IGSF10: variants seen among roughly 807,000 people sequenced by gnomAD.
IGSF10 encodes calvaria mechanical force protein 608.
A neutral mutation model predicts 128.2 loss-of-function variants in IGSF10; 126 were observed. The ratio of observed to expected loss-of-function variants is 0.98; its 90% confidence interval spans 0.85 to 1.14. IGSF10 has a LOEUF of 1.14. Among genes scored for constraint, IGSF10 ranks in the 50% most tolerant of loss-of-function variants. The pLI is 0.00. For synonymous variants in IGSF10, 1,185 were observed against 1,146.2 expected (o/e 1.03, Z -0.68); for missense variants, 3,295 against 3,149.8 (o/e 1.05, Z -1.10).
the IGSF10 span, among the ~76,000 whole-genome samples, chr3:151,574,680 G>T: frequency 1.1e-4 from 17 of 152,130 alleles, no homozygotes; most frequent in Non-Finnish European, 5.9e-5. Flanking sequence ...CTTTAGCTCA[G>T]AGAAGTTTGT....
the IGSF10 span, among the ~76,000 whole-genome samples, chr3:151,560,039 T>C: frequency 5.9e-5 from 9 of 152,198 alleles, no homozygotes; most frequent in East Asian, 1.7e-3. Flanking sequence ...GATGCAAGTT[T>C]TGCAGGGAAA....
chr3:151,523,052 CAA>C, the IGSF10 span, among the ~76,000 whole-genome samples: 1 of 152,050 alleles, frequency 6.6e-6, no homozygotes, highest in African/African-American at 2.4e-5. Flanking sequence ...ATCAGAAAGG[CAA>C]TCCCATTCAC....
In IGSF10 at chr3:151,448,028, T is replaced by C; in HGVS notation, c.1953A>G (p.Ser651=). 6.2e-7 allele frequency: 1 copy of C among 1,614,196 alleles called. No individual in the cohort carries two copies. ...GYYRCVAANP[S]GVDFLIFQVS... ...CTTGGAAAATCAAAAAATCAACCCCTGATGGGTTGGCTGCCACACAGCGAT... is the reference window on the plus strand; with the variant it reads ...CTTGGAAAATCAAAAAATCAACCCCCGATGGGTTGGCTGCCACACAGCGAT... Residue 651 remains serine (S), a synonymous_variant, in exon 6 of 8, where the codon TCA becomes TCG. Coordinates refer to ENST00000282466, the MANE Select transcript of IGSF10 (RefSeq NM_178822.5).
At position 151,443,215 on chromosome 3, in the gene IGSF10, T is replaced by C; in HGVS notation, c.5732A>G (p.Asp1911Gly). 6.2e-7 allele frequency: 1 copy of C among 1,613,958 alleles called. No individual in the cohort carries two copies. Among genetic ancestry groups the C allele is most frequent in the South Asian group, 1.1e-5 (1 of 91,070 alleles). ...AGCAATGCATTCATAAGTGCCCCTG[T>C]CTGAAGAGGCTAGGTTTCTTATATA... ...TLYIRNLASSDRGTYECIATS... is the reference protein window; with the variant it reads ...TLYIRNLASSGRGTYECIATS... The change falls in exon 7 of 8, where the codon GAC becomes GGC. Residue 1911 changes from aspartate (D) to glycine (G), a missense_variant. Asp to Gly is a moderately conservative substitution (Grantham distance 94, BLOSUM62 -1). Transcript: ENST00000282466.
intron 4 of IGSF10, among the ~76,000 whole-genome samples, chr3:151,456,583 T>A (rs1336331462): frequency 2.6e-5 from 4 of 152,238 alleles, no homozygotes; most frequent in Non-Finnish European, 4.4e-5. Context: ...TTATGCATTC[T>A]TGGGAGTCCT....
the IGSF10 span, among the ~76,000 whole-genome samples, chr3:151,506,624 C>T: frequency 1.3e-5 from 2 of 152,078 alleles, no homozygotes; most frequent in Non-Finnish European, 2.9e-5. Flanking sequence ...ATTCTTTTCC[C>T]TTAGTTTGAT....
the IGSF10 span, among the ~76,000 whole-genome samples, chr3:151,509,623 G>A: frequency 6.6e-6 from 1 of 152,252 alleles, no homozygotes; most frequent in Non-Finnish European, 1.5e-5. Flanking sequence ...GTGCCGGACA[G>A]TGTGTGCAGG....
At chr3:151,444,468 C>G (rs751607417) in intron 6 of IGSF10, among the ~76,000 whole-genome samples, 1 of 152,090 alleles carries the variant, frequency 6.6e-6, no homozygotes, top group East Asian at 1.9e-4. Flanking sequence ...CCACCACACC[C>G]GGCTAATTTA....
At chr3:151,600,445 C>G in the IGSF10 span, among the ~76,000 whole-genome samples, 1 of 152,112 alleles carries the variant, frequency 6.6e-6, no homozygotes, top group African/African-American at 2.4e-5. Context: ...GCAAACTATA[C>G]TGTATATTCC....
the IGSF10 span, among the ~76,000 whole-genome samples, chr3:151,534,467 T>C: frequency 6.6e-6 from 1 of 152,178 alleles, no homozygotes; most frequent in South Asian, 2.1e-4. Context: ...TGGAATACTA[T>C]GCAGCCATAA....
the IGSF10 span, among the ~76,000 whole-genome samples, chr3:151,520,331 G>A: frequency 6.6e-6 from 1 of 151,800 alleles, no homozygotes. Context: ...TCTTGGCTAG[G>A]AAAGGATGGT....
chr3:151,591,159 A>G, the IGSF10 span, among the ~76,000 whole-genome samples: 2 of 151,954 alleles, frequency 1.3e-5, no homozygotes, highest in East Asian at 3.9e-4. Flanking sequence ...CATTCGGCTA[A>G]AAGAAAAGAT....
At chr3:151,457,662 G>A (rs930916702) in intron 3 of IGSF10, among the ~76,000 whole-genome samples, 4 of 152,102 alleles carry the variant, frequency 2.6e-5, no homozygotes, top group African/African-American at 9.7e-5. Flanking sequence ...GGCTTTCTGT[G>A]CCTCAGTTTC....
At chr3:151,610,074 A>C in the IGSF10 span, among the ~76,000 whole-genome samples, 1 of 152,186 alleles carries the variant, frequency 6.6e-6, no homozygotes, top group East Asian at 1.9e-4. Flanking sequence ...ACAGGGCAAC[A>C]GTGGTGATGG....
the IGSF10 span, among the ~76,000 whole-genome samples, chr3:151,570,990 G>A: frequency 1.3e-5 from 2 of 152,118 alleles, no homozygotes; most frequent in East Asian, 3.8e-4. Context: ...ATTAAATAGG[G>A]AATCCTTTCC....
upstream of IGSF10, among the ~76,000 whole-genome samples, chr3:151,462,862 C>T (rs1722115032): frequency 6.6e-6 from 1 of 152,140 alleles, no homozygotes; most frequent in Non-Finnish European, 1.5e-5. Flanking sequence ...TAAAAATTCA[C>T]GTGATGTCCA....
chr3:151,510,610 C>T, the IGSF10 span, among the ~76,000 whole-genome samples: 28 of 152,162 alleles, frequency 1.8e-4, no homozygotes, highest in South Asian at 1.0e-3. Context: ...CAAAGCTGGA[C>T]GGAGAATGAC....
the IGSF10 span, among the ~76,000 whole-genome samples, chr3:151,576,909 CCAGCCCTT>C: frequency 6.6e-6 from 1 of 152,172 alleles, no homozygotes; most frequent in East Asian, 1.9e-4. Context: ...TAGCCAGCTA[CCAGCCCTT>C]GGGGCTGCTC....
the IGSF10 span, among the ~76,000 whole-genome samples, chr3:151,608,167 A>G: frequency 6.6e-6 from 1 of 152,178 alleles, no homozygotes; most frequent in Non-Finnish European, 1.5e-5. Flanking sequence ...AATATGCTTT[A>G]GCATATCCTT....
Sources: gnomAD v4.1 joint callset for allele counts (sites outside exome capture counted in the v4.1 genomes callset) on GRCh38, gnomAD v4.1.1 for gene constraint, MANE v1.5 for transcripts, NCBI Gene and HGNC (gene_info 2026-07-23, HGNC 2026-07-21) for gene names.